The following STAT5B variants were observed in gnomAD, a reference collection of about 807,000 sequenced individuals.
STAT5B encodes the protein transcription factor STAT5B.
A neutral mutation model predicts 107.8 loss-of-function variants in STAT5B; 21 were observed. That is an observed-to-expected ratio of 0.19 (90% CI 0.14 to 0.28). The LOEUF is 0.28. Ranked by LOEUF, STAT5B falls within the 10% of genes least tolerant of loss-of-function variation. The probability of loss-of-function intolerance (pLI) is 1.00; values close to 1 mark genes in which losing one functional copy is unlikely to be tolerated. For synonymous variants in STAT5B, 325 were observed against 401.7 expected, an observed-to-expected ratio of 0.81 and a Z score of 2.28; for missense variants, 565 against 1,008.2, an observed-to-expected ratio of 0.56 and a Z score of 5.95.
chr17:42,277,055 G>A (rs1334731311), upstream of STAT5B, among the ~76,000 whole-genome samples: 1 of 152,222 alleles, frequency 6.6e-6, no homozygotes, highest in Non-Finnish European at 1.5e-5. Context: ...GCTCCCACCA[G>A]TCAGAGCTGC....
At chr17:42,259,979 T>G (rs190373583) in intron 1 of STAT5B, among the ~76,000 whole-genome samples, 1 of 152,262 alleles carries the variant, frequency 6.6e-6, no homozygotes, top group Admixed American at 6.5e-5. Flanking sequence ...TTGTTGATTG[T>G]AAGCCAGATG....
intron 1 of STAT5B, among the ~76,000 whole-genome samples, chr17:42,258,646 T>C (rs1157171041): frequency 6.6e-5 from 10 of 152,232 alleles, no homozygotes; most frequent in Admixed American, 6.5e-4. Flanking sequence ...GCCATTGCAC[T>C]CCAGCCTGGG....
chr17:42,217,828 T>C, intron 9 of STAT5B: 3 of 438,824 alleles, frequency 6.8e-6, no homozygotes, highest in Non-Finnish European at 1.3e-5. Context: ...CCTCAGGCTC[T>C]CTAGTGGCTG....
chr17:42,211,982 A>C lies in STAT5B; in HGVS notation c.1680+2T>G, dbSNP rs1598298553. 1 of 1,609,484 alleles carries C rather than the reference A, an allele frequency of 6.2e-7. No homozygotes were observed. Among genetic ancestry groups the C allele is most frequent in the Non-Finnish European group, 8.5e-7 (1 of 1,178,042 alleles). Reference sequence around the variant, plus strand: ...ACAGCGGCTGGCAGCTGGGCTCCTCACCCTGTTGAACTGGGACCAGGACAC... The same window carrying C: ...ACAGCGGCTGGCAGCTGGGCTCCTCCCCCTGTTGAACTGGGACCAGGACAC... On this transcript the variant is annotated splice_donor_variant, in intron 13 of 18. Coordinates refer to ENST00000293328, the MANE Select transcript of STAT5B (RefSeq NM_012448.4). LOFTEE classifies it high-confidence loss of function.
rs1278492507 is a variant in STAT5B at position 42,224,778 on chromosome 17, CATT to C, written c.373_375del (p.Asn125del). ...CCTCCCCATCCCTATGGGACACTCACATTGTTGGCTTCTCGGACCAACCTCTGT... is the reference window on the plus strand; with the variant it reads ...CCTCCCCATCCCTATGGGACACTCACGTTGGCTTCTCGGACCAACCTCTGT... On this transcript the variant is annotated inframe_deletion and splice_region_variant, in exon 4 of 19. Coordinates refer to ENST00000293328, the MANE Select transcript of STAT5B (RefSeq NM_012448.4). 1 of 1,613,696 alleles carries C rather than the reference CATT, an allele frequency of 6.2e-7. No individual in the cohort carries two copies. The highest frequency in any genetic ancestry group is 2.2e-5 in the East Asian group (1 of 44,878).
chr17:42,217,092 T>A, intron 11 of STAT5B, 68 bp downstream of exon 11: 1 of 1,556,116 alleles, frequency 6.4e-7, no homozygotes, highest in African/African-American at 1.4e-5. Context: ...AAAAAAAATA[T>A]TTTGTAACAT....
chr17:42,211,639 T>C (rs538631707), intron 13 of STAT5B, among the ~76,000 whole-genome samples: 17 of 152,242 alleles, frequency 1.1e-4, no homozygotes, highest in Admixed American at 3.3e-4. Context: ...GCATTACACA[T>C]GGGGAACATA....
At chr17:42,208,523 T>C (rs1239007539) in intron 15 of STAT5B, among the ~76,000 whole-genome samples, 3 of 151,600 alleles carry the variant, frequency 2.0e-5, no homozygotes, top group Admixed American at 6.6e-5. Flanking sequence ...TAAATAAAAA[T>C]AAAAGCCATG....
chr17:42,236,809 A>G (rs2080360303), intron 1 of STAT5B, among the ~76,000 whole-genome samples: 1 of 152,184 alleles, frequency 6.6e-6, no homozygotes, highest in South Asian at 2.1e-4. Flanking sequence ...CATGCCTGAT[A>G]TGAGTAGCAT....
intron 16 of STAT5B, among the ~76,000 whole-genome samples, chr17:42,204,630 T>G (rs1236976101): frequency 1.3e-5 from 2 of 152,270 alleles, no homozygotes; most frequent in African/African-American, 4.8e-5. Flanking sequence ...TTTATTTTTT[T>G]CTGAGACAGG....
chr17:42,227,598 T>C lies in STAT5B; in HGVS notation c.216A>G (p.Ala72=). ...ACCCATCTTCCCCCACCTGGTGCTC[T>C]GCCTTCTTCTGCAGCTCCTGCACCA... ...EGLVQELQKK[A]EHQVGEDGFL... The change falls in exon 3 of 19, where the codon GCA becomes GCG. Residue 72 remains alanine, a synonymous_variant. Coordinates refer to ENST00000293328, the MANE Select transcript of STAT5B (RefSeq NM_012448.4). The C allele has an allele frequency of 1.2e-6, 2 of 1,613,948 alleles. No individual in the cohort carries two copies. The highest frequency in any genetic ancestry group is 3.3e-4 in the Middle Eastern group (2 of 5,990).
rs1184845876 is a variant in STAT5B at position 42,202,519 on chromosome 17, G to A, written c.2130-72C>T. ...CAGCTGACTTGGGGAGGGGACCAAG[G>A]GGTATCTTTGTCTTTCTCAGGGTGT... On this transcript the variant is annotated intron_variant, in intron 17 of 18. Coordinates refer to ENST00000293328, the MANE Select transcript of STAT5B (RefSeq NM_012448.4). The A allele has an allele frequency of 2.6e-6, 4 of 1,546,214 alleles. No individual in the cohort carries two copies. In the East Asian group the frequency reaches 6.8e-5, roughly 26 times the overall value.
chr17:42,231,960 T>C (rs1249699693), intron 2 of STAT5B, 40 bp downstream of exon 2: 1 of 1,612,534 alleles, frequency 6.2e-7, no homozygotes, highest in African/African-American at 1.3e-5. Flanking sequence ...AATATTCTTG[T>C]GTTTCACAAA....
At position 42,201,548 on chromosome 17, in the gene STAT5B, ACAC is replaced by A. The variant is rs1567652541; in HGVS notation, c.*187_*189del. The A allele has an allele frequency of 1.1e-5, 7 of 666,020 alleles. No homozygotes were observed. In the African/African-American group the frequency reaches 1.1e-4, roughly 10 times the overall value. The allele number at this position is 666,020 out of a possible 1,614,324, so 41.3% of individuals were successfully genotyped here. ...CGCACACACACACACACACACACAC[ACAC>A]ACAAACACATACTCGCACTCCCTTC... On this transcript the variant is annotated 3_prime_UTR_variant, in exon 19 of 19. Coordinates refer to ENST00000293328, the MANE Select transcript of STAT5B (RefSeq NM_012448.4).
intron 2 of STAT5B, among the ~76,000 whole-genome samples, chr17:42,231,018 A>G (rs993570479): frequency 3.3e-5 from 5 of 151,912 alleles, no homozygotes; most frequent in African/African-American, 1.2e-4. Context: ...TAAAAACACC[A>G]ATGTCTCCAC....
chr17:42,210,585 A>T, intron 13 of STAT5B, 88 bp from the exon 14 acceptor site: 1 of 1,217,596 alleles, frequency 8.2e-7, no homozygotes, highest in Non-Finnish European at 1.2e-6. Flanking sequence ...ATTAAATGGG[A>T]AACAAACATC....
At chr17:42,226,899 C>T (rs1287175473) in intron 3 of STAT5B, among the ~76,000 whole-genome samples, 4 of 145,906 alleles carry the variant, frequency 2.7e-5, no homozygotes, top group Admixed American at 7.0e-5. Flanking sequence ...CTGAGGTGGG[C>T]GGATCACCTG....
At chr17:42,216,809 C>T (rs1201681821) in intron 11 of STAT5B, among the ~76,000 whole-genome samples, 1 of 151,594 alleles carries the variant, frequency 6.6e-6, no homozygotes, top group African/African-American at 2.4e-5. Context: ...TCCTGAGTAG[C>T]TGGGATTATA....
chr17:42,259,955 G>A (rs2080580273), intron 1 of STAT5B, among the ~76,000 whole-genome samples: 1 of 152,024 alleles, frequency 6.6e-6, no homozygotes, highest in African/African-American at 2.4e-5. Flanking sequence ...TGCACCAAGC[G>A]ACCCTATTTG....
Sources: allele counts gnomAD v4.1 joint callset (sites outside exome capture counted in the v4.1 genomes callset), GRCh38; gene constraint gnomAD v4.1.1; transcripts MANE v1.5; gene names NCBI Gene and HGNC (gene_info 2026-07-23, HGNC 2026-07-21).